Variants in SMOC2 observed in about 807,000 individuals in gnomAD.
The protein encoded by SMOC2 is SPARC related modular calcium binding 2, also known as SPARC-related modular calcium-binding protein 2.
In SMOC2, 39 loss-of-function variants were observed where a neutral mutation model predicts 61.4. The ratio of observed to expected loss-of-function variants is 0.64; its 90% CI spans 0.49 to 0.83. The LOEUF (loss-of-function observed/expected upper bound fraction) is 0.83. Ranked by LOEUF, SMOC2 falls within the 40% of genes least tolerant of loss-of-function variation. SMOC2 has a pLI of 0.00. For synonymous variants in SMOC2, 247 were observed against 239.9 expected (o/e 1.03, Z -0.27); for missense variants, 556 against 592.9 (o/e 0.94, Z 0.65).
chr6:168,551,548 G>C (rs1784131617), intron 7 of SMOC2, among the ~76,000 whole-genome samples: 2 of 152,000 alleles, frequency 1.3e-5, no homozygotes, highest in African/African-American at 2.4e-5. Flanking sequence ...CCGCCTCCCA[G>C]GTTCAAGCGA....
intron 1 of SMOC2, among the ~76,000 whole-genome samples, chr6:168,474,935 G>A (rs527650545): frequency 6.6e-6 from 1 of 152,274 alleles, no homozygotes; most frequent in South Asian, 2.1e-4. Flanking sequence ...ATTCCTTTAT[G>A]TTTGTAAGTG....
intron 1 of SMOC2, among the ~76,000 whole-genome samples, chr6:168,501,983 C>T (rs546874084): frequency 3.3e-5 from 5 of 152,332 alleles, no homozygotes; most frequent in African/African-American, 1.2e-4. Context: ...CCTGCATCTG[C>T]CTCCATCTTT....
intron 4 of SMOC2, among the ~76,000 whole-genome samples, chr6:168,538,992 C>G (rs950383234): frequency 3.3e-5 from 5 of 152,208 alleles, no homozygotes; most frequent in African/African-American, 1.2e-4. Context: ...GGGACGCCGG[C>G]AGTCAACTCA....
intron 11 of SMOC2, among the ~76,000 whole-genome samples, chr6:168,661,979 T>C (rs148299341): frequency 9.4e-4 from 143 of 152,328 alleles, no homozygotes; most frequent in African/African-American, 3.4e-3. Context: ...TAATTGCAAA[T>C]TGTTTTTCAC....
At chr6:168,543,162 T>G (rs1302671360) in intron 4 of SMOC2, among the ~76,000 whole-genome samples, 1 of 152,242 alleles carries the variant, frequency 6.6e-6, no homozygotes, top group Non-Finnish European at 1.5e-5. Flanking sequence ...AGATTTTCAA[T>G]ACTCTACCAA....
intron 1 of SMOC2, among the ~76,000 whole-genome samples, chr6:168,492,834 C>T (rs1782499380): frequency 6.6e-6 from 1 of 152,166 alleles, no homozygotes; most frequent in East Asian, 1.9e-4. Flanking sequence ...TTTAATATTG[C>T]CATCTATAGA....
intron 1 of SMOC2, among the ~76,000 whole-genome samples, chr6:168,485,327 T>G (rs1336213881): frequency 6.6e-6 from 1 of 152,074 alleles, no homozygotes; most frequent in Non-Finnish European, 1.5e-5. Context: ...CCTAGGTGTA[T>G]ACCAAAAGAA....
chr6:168,581,185 C>A (rs1304826442), intron 7 of SMOC2, among the ~76,000 whole-genome samples: 1 of 152,096 alleles, frequency 6.6e-6, no homozygotes, highest in East Asian at 1.9e-4. Flanking sequence ...TAAAGGGGCA[C>A]TTTTAAAATT....
chr6:168,635,876 A>AAAC (rs1786703019), intron 9 of SMOC2, among the ~76,000 whole-genome samples: 1 of 151,884 alleles, frequency 6.6e-6, no homozygotes, highest in African/African-American at 2.4e-5. Flanking sequence ...GTCTCAAAAA[A>AAAC]AAAAAAAAAG....
intron 9 of SMOC2, among the ~76,000 whole-genome samples, chr6:168,643,236 C>G (rs1024733912): frequency 6.6e-6 from 1 of 152,186 alleles, no homozygotes; most frequent in Non-Finnish European, 1.5e-5. Context: ...AGAGGGAGCA[C>G]TGTCACACTT....
At chr6:168,456,731 A>G (rs2114998751) in intron 1 of SMOC2, among the ~76,000 whole-genome samples, 1 of 152,300 alleles carries the variant, frequency 6.6e-6, no homozygotes, top group South Asian at 2.1e-4. Context: ...ATTGTGGGAC[A>G]TCAGGTACTG....
rs887224852 is a variant in SMOC2 at position 168,544,913 on chromosome 6, A to C, written c.511+1241A>C. On this transcript the variant is annotated intron_variant, in intron 5 of 12. Coordinates refer to ENST00000356284, the MANE Select transcript of SMOC2 (RefSeq NM_001166412.2). This position sits in a 1 kb window ranked among gnomAD's most constrained non-coding sequence, Gnocchi z 4.1. ...CAGGACTGGCTTCCTGGAAGGGGAA[A>C]TATGTAACAGGTGTGAGCTGGAACA... Among the ~76,000 whole-genome samples, 3 of 152,144 alleles carry C rather than the reference A, an allele frequency of 2.0e-5. No individual in the cohort carries two copies. Among genetic ancestry groups the C allele is most frequent in the East Asian group, 1.9e-4 (1 of 5,188 alleles).
At chr6:168,485,261 G>A (rs2115027105) in intron 1 of SMOC2, among the ~76,000 whole-genome samples, 1 of 152,130 alleles carries the variant, frequency 6.6e-6, no homozygotes, top group East Asian at 1.9e-4. Context: ...CAAGTGCTTT[G>A]GAAAACAGTT....
chr6:168,629,205 C>G, intron 9 of SMOC2, among the ~76,000 whole-genome samples: 1 of 152,264 alleles, frequency 6.6e-6, no homozygotes. Flanking sequence ...GGAGCCACCA[C>G]ACTGTTGTTC....
At position 168,535,156 on chromosome 6, in the gene SMOC2, G is replaced by T. The variant is rs997005316; in HGVS notation, c.463+7429G>T. Among the ~76,000 whole-genome samples, 3 of 151,940 alleles carry T rather than the reference G, an allele frequency of 2.0e-5. No individual in the cohort carries two copies. The highest frequency in any genetic ancestry group is 7.3e-5 in the African/African-American group (3 of 41,362). On this transcript the variant is annotated intron_variant, in intron 4 of 12. Transcript: ENST00000356284. The surrounding 1 kb of genome is among the most constrained non-coding windows in gnomAD (Gnocchi z 4.6). ...CAGCTAATGTTTTGTATTTTTAGTA[G>T]AAACGGGGTTTCACCGTGTTAGCCT...
intron 1 of SMOC2, among the ~76,000 whole-genome samples, chr6:168,459,539 C>T (rs1202312277): frequency 1.3e-5 from 2 of 150,012 alleles, no homozygotes; most frequent in African/African-American, 4.9e-5. Flanking sequence ...AGCTAGAGCC[C>T]CAGGGTGGGT....
chr6:168,606,686 T>C (rs759767352), intron 8 of SMOC2, among the ~76,000 whole-genome samples: 44 of 152,000 alleles, frequency 2.9e-4, no homozygotes, highest in African/African-American at 6.8e-4. Flanking sequence ...AAAAAGAAAA[T>C]AGGGCAGAGG....
In SMOC2 at chr6:168,543,691, A is replaced by G. The variant is rs1386085167; in HGVS notation, c.511+19A>G. ...AAAACAGGTAACTATCTTAGAATAA[A>G]TGTCTATGACGATATGTAACATCTA... On this transcript the variant is annotated intron_variant, in intron 5 of 12. Transcript: ENST00000356284. 1 of 1,608,920 alleles carries G rather than the reference A, an allele frequency of 6.2e-7. No homozygotes were observed. The highest frequency in any genetic ancestry group is 2.2e-5 in the East Asian group (1 of 44,854).
At chr6:168,562,689 G>T (rs1034803579) in intron 7 of SMOC2, among the ~76,000 whole-genome samples, 1 of 152,210 alleles carries the variant, frequency 6.6e-6, no homozygotes, top group Non-Finnish European at 1.5e-5. Flanking sequence ...GGGGTTATCA[G>T]GTAGGACGGC....
Sources: gnomAD v4.1 joint callset for allele counts (sites outside exome capture counted in the v4.1 genomes callset) on GRCh38, gnomAD v4.1.1 for gene constraint, Gnocchi (gnomAD v3.1) non-coding constraint, MANE v1.5 for transcripts, NCBI Gene and HGNC (gene_info 2026-07-23, HGNC 2026-07-21) for gene names.